GRIK1: variants seen among roughly 807,000 people sequenced by gnomAD.
GRIK1 encodes the protein glutamate ionotropic receptor kainate type subunit 1.
GRIK1 carries 69 observed loss-of-function variants against 105.7 expected under a neutral mutation model. The ratio of observed to expected loss-of-function variants is 0.65; its 90% CI spans 0.54 to 0.80. GRIK1 has a LOEUF of 0.80. Among genes scored for constraint, GRIK1 ranks in the 30% least tolerant of loss-of-function variants. GRIK1 has a pLI of 0.00. For synonymous variants in GRIK1, 438 were observed against 431.3 expected, an observed-to-expected ratio of 1.02 and a Z score of -0.19; for missense variants, 1,109 against 1,167.3, an observed-to-expected ratio of 0.95 and a Z score of 0.73.
intron 5 of GRIK1, among the ~76,000 whole-genome samples, chr21:29,652,521 C>T (rs760786923): frequency 1.3e-5 from 2 of 152,148 alleles, no homozygotes; most frequent in Non-Finnish European, 2.9e-5. Context: ...CCCTTGCAGA[C>T]AATGTTTCAG....
intron 3 of GRIK1, among the ~76,000 whole-genome samples, chr21:29,683,779 T>G (rs1044477083): frequency 1.3e-5 from 2 of 152,184 alleles, no homozygotes; most frequent in Admixed American, 6.5e-5. Context: ...AAAGTTGAAA[T>G]TATTAAATAT....
chr21:29,857,160 A>G (rs977268974), intron 1 of GRIK1, among the ~76,000 whole-genome samples: 1 of 151,860 alleles, frequency 6.6e-6, no homozygotes, highest in South Asian at 2.1e-4. Flanking sequence ...ATAATGAGTG[A>G]GCATCAAAGT....
At chr21:29,546,611 A>C (rs1732832031) in intron 16 of GRIK1, among the ~76,000 whole-genome samples, 1 of 152,234 alleles carries the variant, frequency 6.6e-6, no homozygotes. Flanking sequence ...AATGGTCAGA[A>C]TCTGGTCTGG....
intron 1 of GRIK1, among the ~76,000 whole-genome samples, chr21:29,725,994 T>A (rs1207084740): frequency 6.6e-6 from 1 of 152,152 alleles, no homozygotes; most frequent in East Asian, 1.9e-4. Flanking sequence ...CCCATTAGAA[T>A]GAGATCTGGT....
intron 7 of GRIK1, among the ~76,000 whole-genome samples, chr21:29,618,483 A>C (rs1003508577): frequency 1.3e-5 from 2 of 152,192 alleles, no homozygotes; most frequent in Non-Finnish European, 2.9e-5. Context: ...CAGAACTACC[A>C]CTTGATCCAG....
At chr21:29,654,257 TAAGATGTC>T (rs1176296025) in intron 5 of GRIK1, among the ~76,000 whole-genome samples, 1 of 152,210 alleles carries the variant, frequency 6.6e-6, no homozygotes, top group African/African-American at 2.4e-5. Context: ...TCTCAAAATT[TAAGATGTC>T]CTATGGTTTC....
chr21:29,793,244 G>T (rs148771692), intron 1 of GRIK1, among the ~76,000 whole-genome samples: 1 of 152,262 alleles, frequency 6.6e-6, no homozygotes, highest in African/African-American at 2.4e-5. Context: ...TGAGGCTATT[G>T]CTTGTGGATA....
chr21:29,846,463 G>GAAAAAGAA (rs1438057761), intron 1 of GRIK1, among the ~76,000 whole-genome samples: 78 of 127,986 alleles, frequency 6.1e-4, no homozygotes, highest in Non-Finnish European at 9.5e-4. Flanking sequence ...GAAAGAGAGA[G>GAAAAAGAA]AGAAAGAAAG....
intron 1 of GRIK1, among the ~76,000 whole-genome samples, chr21:29,732,396 C>T (rs571957583): frequency 7.2e-5 from 11 of 152,240 alleles, no homozygotes; most frequent in African/African-American, 1.4e-4. Flanking sequence ...CAACCACTGG[C>T]GCTGGCAACT....
At chr21:29,560,064 C>T (rs1177900680) in intron 15 of GRIK1, among the ~76,000 whole-genome samples, 1 of 152,204 alleles carries the variant, frequency 6.6e-6, no homozygotes, top group Non-Finnish European at 1.5e-5. Context: ...ATTGGATCAT[C>T]CCTTTCAAAT....
intron 4 of GRIK1, among the ~76,000 whole-genome samples, chr21:29,668,143 C>T (rs970341179): frequency 2.6e-5 from 4 of 152,146 alleles, no homozygotes; most frequent in African/African-American, 7.2e-5. Flanking sequence ...ACTGAACACT[C>T]GTTGTGTGTC....
At chr21:29,886,615 T>C (rs779505734) in intron 1 of GRIK1, among the ~76,000 whole-genome samples, 92 of 152,308 alleles carry the variant, frequency 6.0e-4, no homozygotes, top group Non-Finnish European at 1.1e-3. Flanking sequence ...GTGTGTACAA[T>C]AACTTTAAGG....
chr21:29,698,927 G>GA (rs2063762430), intron 1 of GRIK1, among the ~76,000 whole-genome samples: 2 of 152,184 alleles, frequency 1.3e-5, no homozygotes, highest in Admixed American at 1.3e-4. Context: ...TAAGAATTCT[G>GA]AAAAATTAAT....
chr21:29,775,137 C>T (rs459666), intron 1 of GRIK1, among the ~76,000 whole-genome samples: 106,381 of 151,692 alleles, frequency 0.7, 38,551 homozygotes, highest in Middle Eastern at 0.81. Flanking sequence ...ACCAACCTGG[C>T]GAAACCCCGT....
In GRIK1 at chr21:29,537,001, GA is replaced by G. The variant is rs1050951808; in HGVS notation, c.*228del. 1 of 297,318 alleles carries G rather than the reference GA, an allele frequency of 3.4e-6. No individual in the cohort carries two copies. The highest frequency in any genetic ancestry group is 6.1e-6 in the Non-Finnish European group (1 of 162,754). 18.4% of individuals were successfully genotyped at this position (297,318 alleles called of 1,614,324 possible). ...CACACAACAATTTATTGGGGAAAAA[GA>G]AAAAATGCAAAATAATTGAGCATAC... On this transcript the variant is annotated 3_prime_UTR_variant, in exon 18 of 18. Coordinates refer to ENST00000327783, the MANE Select transcript of GRIK1 (RefSeq NM_001330994.2).
intron 1 of GRIK1, among the ~76,000 whole-genome samples, chr21:29,872,696 G>A (rs150564491): frequency 1.2e-3 from 188 of 152,254 alleles, no homozygotes; most frequent in South Asian, 2.3e-3. Context: ...TGAAAGGCAC[G>A]GTCTTATATG....
At chr21:29,845,544 T>G (rs2146020848) in intron 1 of GRIK1, among the ~76,000 whole-genome samples, 1 of 152,328 alleles carries the variant, frequency 6.6e-6, no homozygotes, top group East Asian at 1.9e-4. Flanking sequence ...TTCCTTGTTT[T>G]TTTCTTATTT....
At chr21:29,924,065 CGCGG>C (rs2071274090) in intron 1 of GRIK1, among the ~76,000 whole-genome samples, 2 of 152,030 alleles carry the variant, frequency 1.3e-5, no homozygotes, top group Admixed American at 6.6e-5. Flanking sequence ...TAAGGCCGGG[CGCGG>C]TGGCTCATGC....
At chr21:29,736,964 C>T (rs1347434762) in intron 1 of GRIK1, among the ~76,000 whole-genome samples, 2 of 152,192 alleles carry the variant, frequency 1.3e-5, no homozygotes, top group African/African-American at 4.8e-5. Context: ...CAGGCGTGAA[C>T]AACCATGCTC....
Sources: allele counts gnomAD v4.1 joint callset (sites outside exome capture counted in the v4.1 genomes callset), GRCh38; gene constraint gnomAD v4.1.1; transcripts MANE v1.5; gene names NCBI Gene and HGNC (gene_info 2026-07-23, HGNC 2026-07-21).